MBOAT1: variants seen among roughly 807,000 people sequenced by gnomAD.
MBOAT1 encodes membrane bound glycerophospholipid O-acyltransferase 1.
In MBOAT1, 67 loss-of-function variants were observed where a neutral mutation model predicts 64.4. The observed-to-expected ratio is 1.04, with a 90% CI of 0.85 to 1.27. The LOEUF (loss-of-function observed/expected upper bound fraction) is 1.27, where lower values mean the gene tolerates loss of function less well. Among genes scored for constraint, MBOAT1 ranks in the 50% most tolerant of loss-of-function variants. The pLI is 0.00. For synonymous variants in MBOAT1, 229 were observed against 218.9 expected, an observed-to-expected ratio of 1.05 and a Z score of -0.41; for missense variants, 563 against 604.6, an observed-to-expected ratio of 0.93 and a Z score of 0.72.
rs566699579 is a variant in MBOAT1, at chr6:20,130,348, TTTG to T, written c.475+793_475+795del. ...ACAGAAGATTCTTCCTTTTCCCAGC[TTTG>T]TTGTTGTTGTTGTTGTTGTTGTTAT... On this transcript the variant is annotated intron_variant, in intron 5 of 12. Transcript: ENST00000324607. Among the ~76,000 whole-genome samples the T allele has an allele frequency of 2.4e-3, 371 of 151,900 alleles. 1 individual carries two copies. Among genetic ancestry groups the T allele is most frequent in the African/African-American group, 6.6e-3 (273 of 41,448 alleles).
At chr6:20,134,256 A>C (rs1436916190) in intron 4 of MBOAT1, among the ~76,000 whole-genome samples, 2 of 152,196 alleles carry the variant, frequency 1.3e-5, no homozygotes, top group East Asian at 3.9e-4. Flanking sequence ...AGACAAATGC[A>C]ATACATAATA....
At chr6:20,194,671 C>T (rs1762904241) in intron 1 of MBOAT1, among the ~76,000 whole-genome samples, 1 of 152,204 alleles carries the variant, frequency 6.6e-6, no homozygotes. Context: ...CAGGTTTCTC[C>T]ACTGGAAAGT....
intron 1 of MBOAT1, among the ~76,000 whole-genome samples, chr6:20,206,997 A>T (rs1454812125): frequency 6.6e-6 from 1 of 152,154 alleles, no homozygotes; most frequent in African/African-American, 2.4e-5. Flanking sequence ...AGCATCTTTC[A>T]ATATCTGAGC....
chr6:20,212,278 AC>A lies in MBOAT1; in HGVS notation c.-45del, dbSNP rs1763461283. 2.6e-6 allele frequency: 4 copies of A among 1,560,490 alleles called. No homozygotes were observed. The highest frequency in any genetic ancestry group is 3.5e-6 in the Non-Finnish European group (4 of 1,147,338). On this transcript the variant is annotated 5_prime_UTR_variant, in exon 1 of 13. Transcript: ENST00000324607. ...GGCTGCCCCTGTCCCAGCCCGCAAC[AC>A]CCCCTGCTCGGCGTCCTCCCGCCCG...
At chr6:20,205,726 T>C (rs1367039286) in intron 1 of MBOAT1, among the ~76,000 whole-genome samples, 4 of 152,018 alleles carry the variant, frequency 2.6e-5, no homozygotes, top group Non-Finnish European at 4.4e-5. Flanking sequence ...CCAACACATC[T>C]ACATTCAATG....
rs1443123055 is a variant in MBOAT1, at chr6:20,150,720, C to T, written c.323+465G>A. Among the ~76,000 whole-genome samples, 7 of 149,568 alleles carry T rather than the reference C, an allele frequency of 4.7e-5. 1 individual carries two copies. Among genetic ancestry groups the T allele is most frequent in the South Asian group, 4.2e-4 (2 of 4,714 alleles). ...CTGGGACTATAGGTGCGCACCACTA[C>T]GCCCAGCTAATTTTTTTTGGGTTTT... On this transcript the variant is annotated intron_variant, in intron 3 of 12. Coordinates refer to ENST00000324607, the MANE Select transcript of MBOAT1 (RefSeq NM_001080480.3).
intron 4 of MBOAT1, among the ~76,000 whole-genome samples, chr6:20,132,144 G>T (rs1358585942): frequency 6.6e-6 from 1 of 152,140 alleles, no homozygotes. Context: ...GCCTCCGAAA[G>T]TGCTGGGATT....
At chr6:20,195,650 C>A (rs1007885380) in intron 1 of MBOAT1, among the ~76,000 whole-genome samples, 2 of 151,012 alleles carry the variant, frequency 1.3e-5, no homozygotes, top group Non-Finnish European at 2.9e-5. Flanking sequence ...TGCACTAATC[C>A]TTGAATATAC....
At chr6:20,131,620 T>TA (rs1204178909) in intron 4 of MBOAT1, among the ~76,000 whole-genome samples, 1 of 152,254 alleles carries the variant, frequency 6.6e-6, no homozygotes, top group African/African-American at 2.4e-5. Flanking sequence ...AACGGACTAA[T>TA]ACAGCCGTTG....
chr6:20,135,874 A>G (rs569788889), intron 4 of MBOAT1, among the ~76,000 whole-genome samples: 2 of 152,306 alleles, frequency 1.3e-5, no homozygotes, highest in South Asian at 4.1e-4. Context: ...CTTCCACTCA[A>G]CAGCAACCTA....
chr6:20,206,443 GGATTACAGGCGT>G (rs1394441255), intron 1 of MBOAT1, among the ~76,000 whole-genome samples: 1 of 152,138 alleles, frequency 6.6e-6, no homozygotes, highest in African/African-American at 2.4e-5. Context: ...CAAAGTGCTG[GGATTACAGGCGT>G]GAGCCACCAA....
Position 20,152,348 on chromosome 6 carries a change from A to AAAAT in MBOAT1, c.245+275_245+276insATTT, listed in dbSNP as rs1761529501. ...TCTCAAAAAAAAAAAATAAAAAATA[A>AAAAT]ATAAATAAATAAATAAATTAATTAA... is the stretch of plus-strand genomic sequence containing the variant. On this transcript the variant is annotated intron_variant, in intron 2 of 12. Transcript: ENST00000324607. Among the ~76,000 whole-genome samples the AAAAT allele has an allele frequency of 1.0e-3, 44 of 43,058 alleles. 1 individual carries two copies. In the South Asian group the frequency reaches 0.03, roughly 30 times the overall value. 28.2% of individuals were successfully genotyped at this position (43,058 alleles called of 152,430 possible).
intron 1 of MBOAT1, among the ~76,000 whole-genome samples, chr6:20,192,637 T>C (rs948759239): frequency 1.3e-5 from 2 of 152,178 alleles, no homozygotes; most frequent in Non-Finnish European, 2.9e-5. Context: ...GGGCTGGCAA[T>C]GGGAAATAAC....
rs74641232 is a variant in MBOAT1 at position 20,115,978 on chromosome 6, C to G, written c.1012-626G>C. ...AGAGACATCCCACAATAACCCATTA[C>G]CTGGGTTTTCTCATTAGAAAAAAAA... On this transcript the variant is annotated intron_variant, in intron 9 of 12. Transcript: ENST00000324607. Among the ~76,000 whole-genome samples the G allele has an allele frequency of 5.9e-3, 832 of 140,706 alleles. 17 individuals are homozygous for G. Among genetic ancestry groups the G allele is most frequent in the South Asian group, 0.044 (180 of 4,056 alleles). 92.3% of individuals were successfully genotyped at this position (140,706 alleles called of 152,430 possible). A position where few individuals can be genotyped will look rare whatever the true frequency, so the allele number is the denominator to read the frequency against.
rs372129875 is a variant in MBOAT1 at position 20,127,051 on chromosome 6, C to T, written c.531-351G>A. 3.9e-5 allele frequency among the ~76,000 whole-genome samples: 6 copies of T among 152,302 alleles called. No homozygotes were observed. In the East Asian group the frequency reaches 5.8e-4, roughly 15 times the overall value. On this transcript the variant is annotated intron_variant, in intron 6 of 12. Coordinates refer to ENST00000324607, the MANE Select transcript of MBOAT1 (RefSeq NM_001080480.3). ...CGAAGGTAATAAACATAAAGCAGGG[C>T]GGAACCTGACCTAATGTTAGCGGAT...
At chr6:20,141,590 G>T (rs1256977366) in intron 4 of MBOAT1, among the ~76,000 whole-genome samples, 2 of 151,830 alleles carry the variant, frequency 1.3e-5, no homozygotes, top group Non-Finnish European at 2.9e-5. Context: ...GTCCAGGCTG[G>T]TCTCAAACTC....
chr6:20,197,090 A>G (rs972548101), intron 1 of MBOAT1, among the ~76,000 whole-genome samples: 6 of 150,190 alleles, frequency 4.0e-5, no homozygotes, highest in East Asian at 3.9e-4. Context: ...GGTGAGATGT[A>G]TATGAAACCT....
At chr6:20,195,441 A>G (rs2113762004) in intron 1 of MBOAT1, among the ~76,000 whole-genome samples, 1 of 152,252 alleles carries the variant, frequency 6.6e-6, no homozygotes, top group African/African-American at 2.4e-5. Context: ...TTCTAGGTTC[A>G]CCTTGTATAT....
At chr6:20,138,949 G>C (rs939605426) in intron 4 of MBOAT1, among the ~76,000 whole-genome samples, 1 of 152,154 alleles carries the variant, frequency 6.6e-6, no homozygotes, top group African/African-American at 2.4e-5. Flanking sequence ...GGCAACCCTT[G>C]AGCTCCCGGG....
Sources: gnomAD v4.1 joint callset for allele counts (sites outside exome capture counted in the v4.1 genomes callset) on GRCh38, gnomAD v4.1.1 for gene constraint, MANE v1.5 for transcripts, NCBI Gene and HGNC (gene_info 2026-07-23, HGNC 2026-07-21) for gene names.